PDE11A: variants seen among roughly 807,000 people sequenced by gnomAD.
PDE11A encodes dual 3',5'-cyclic-AMP and -GMP phosphodiesterase 11A.
PDE11A carries 100 observed loss-of-function variants against 100.5 expected under a neutral mutation model. That is an observed-to-expected ratio of 1.00 (90% CI 0.85 to 1.18). PDE11A has a LOEUF of 1.18. Among genes scored for constraint, PDE11A ranks in the 50% most tolerant of loss-of-function variants. The pLI is 0.00. For synonymous variants in PDE11A, 381 were observed against 420.8 expected, an observed-to-expected ratio of 0.91 and a Z score of 1.16; for missense variants, 1,141 against 1,152.6, an observed-to-expected ratio of 0.99 and a Z score of 0.15.
intron 5 of PDE11A, among the ~76,000 whole-genome samples, chr2:177,861,904 TACAAAA>T (rs2083951323): frequency 2.0e-5 from 3 of 151,874 alleles, no homozygotes; most frequent in African/African-American, 7.2e-5. Flanking sequence ...TCACACCATG[TACAAAA>T]ATTTAACTTA....
intron 10 of PDE11A, among the ~76,000 whole-genome samples, chr2:177,731,269 C>G (rs1461463278): frequency 6.6e-6 from 1 of 152,088 alleles, no homozygotes; most frequent in Non-Finnish European, 1.5e-5. Context: ...TTTTCCTTAG[C>G]GGCCTGATAA....
chr2:177,804,755 A>G (rs1304520958), intron 9 of PDE11A, among the ~76,000 whole-genome samples: 1 of 152,044 alleles, frequency 6.6e-6, no homozygotes, highest in Admixed American at 6.6e-5. Context: ...GCCATAAAAA[A>G]GAATGAAACT....
At chr2:177,807,894 T>C (rs1308105376) in intron 9 of PDE11A, among the ~76,000 whole-genome samples, 2 of 152,220 alleles carry the variant, frequency 1.3e-5, no homozygotes, top group African/African-American at 4.8e-5. Context: ...GAAGATTAAC[T>C]AAAAAACAGT....
intron 4 of PDE11A, among the ~76,000 whole-genome samples, chr2:177,897,727 TG>T (rs1407109556): frequency 6.6e-6 from 1 of 152,142 alleles, no homozygotes; most frequent in Admixed American, 6.5e-5. Context: ...AAATAAAATG[TG>T]AGACAGACAC....
At chr2:177,974,454 C>T (rs1233005740) in intron 2 of PDE11A, among the ~76,000 whole-genome samples, 2 of 56,786 alleles carry the variant, frequency 3.5e-5, no homozygotes, top group Non-Finnish European at 5.9e-5. Flanking sequence ...ACCAAATCTA[C>T]GTCTGATTGG....
chr2:177,909,799 T>G (rs1269861233), intron 2 of PDE11A, among the ~76,000 whole-genome samples: 4 of 16,410 alleles, frequency 2.4e-4, no homozygotes, highest in Admixed American at 2.9e-3. Flanking sequence ...TAGTTTTGTA[T>G]GAATATGTTT....
chr2:178,003,075 G>A (rs1451967014), intron 2 of PDE11A, among the ~76,000 whole-genome samples: 1 of 152,070 alleles, frequency 6.6e-6, no homozygotes, highest in South Asian at 2.1e-4. Context: ...TGGAGAATTC[G>A]GAACCCTCAT....
intron 17 of PDE11A, among the ~76,000 whole-genome samples, chr2:177,674,990 T>C (rs187595898): frequency 2.8e-3 from 422 of 152,322 alleles, no homozygotes; most frequent in African/African-American, 9.4e-3. Context: ...TGGTTTGTTT[T>C]TCTGCAAGTT....
At chr2:177,904,637 C>G (rs2084751973) in intron 3 of PDE11A, among the ~76,000 whole-genome samples, 1 of 150,652 alleles carries the variant, frequency 6.6e-6, no homozygotes, top group African/African-American at 2.4e-5. Context: ...TCACTGTGAC[C>G]TCCGCCTCCT....
intron 10 of PDE11A, among the ~76,000 whole-genome samples, chr2:177,759,199 A>T (rs544617682): frequency 6.6e-6 from 1 of 151,346 alleles, no homozygotes; most frequent in Admixed American, 6.6e-5. Flanking sequence ...ACACACACAC[A>T]CACGCACACA....
chr2:178,017,541 T>A (rs2086353611), intron 1 of PDE11A, among the ~76,000 whole-genome samples: 1 of 152,054 alleles, frequency 6.6e-6, no homozygotes, highest in Non-Finnish European at 1.5e-5. Context: ...TATAAAAGCA[T>A]GTAAGGGAAT....
intron 2 of PDE11A, among the ~76,000 whole-genome samples, chr2:177,932,122 G>T (rs781634142): frequency 6.4e-4 from 97 of 152,016 alleles, no homozygotes; most frequent in Non-Finnish European, 1.0e-3. Context: ...GGAAGAAATT[G>T]AAACACAAAA....
intron 4 of PDE11A, among the ~76,000 whole-genome samples, chr2:177,883,572 T>C (rs2084381728): frequency 6.6e-6 from 1 of 152,122 alleles, no homozygotes; most frequent in African/African-American, 2.4e-5. Context: ...TCATGTGAAC[T>C]GTGTGACAAG....
At chr2:177,841,813 A>G (rs2083495215) in intron 5 of PDE11A, among the ~76,000 whole-genome samples, 1 of 152,256 alleles carries the variant, frequency 6.6e-6, no homozygotes, top group South Asian at 2.1e-4. Flanking sequence ...TAGTTCTTAG[A>G]TGGCACCTAA....
chr2:177,781,522 ACT>A (rs2082453756), intron 9 of PDE11A, among the ~76,000 whole-genome samples: 1 of 147,114 alleles, frequency 6.8e-6, no homozygotes, highest in Non-Finnish European at 1.5e-5. Context: ...TTTTTTTGAG[ACT>A]CTGTCTGTCA....
intron 2 of PDE11A, among the ~76,000 whole-genome samples, chr2:177,913,198 G>A (rs184693126): frequency 3.2e-4 from 48 of 152,270 alleles, no homozygotes; most frequent in African/African-American, 1.1e-3. Context: ...ATCATAGAAC[G>A]TTGGACATTT....
chr2:177,868,139 G>T (rs920136033), intron 5 of PDE11A, among the ~76,000 whole-genome samples: 3 of 152,158 alleles, frequency 2.0e-5, no homozygotes, highest in African/African-American at 7.2e-5. Context: ...TAAAGGAAAA[G>T]AAAATAAAAG....
intron 1 of PDE11A, among the ~76,000 whole-genome samples, chr2:178,021,901 G>A (rs1233487833): frequency 6.6e-6 from 1 of 152,160 alleles, no homozygotes; most frequent in African/African-American, 2.4e-5. Context: ...GAAAGAAGTT[G>A]AAGATGGCTC....
At chr2:177,854,833 T>A (rs1215036883) in intron 5 of PDE11A, among the ~76,000 whole-genome samples, 2 of 152,074 alleles carry the variant, frequency 1.3e-5, no homozygotes, top group Non-Finnish European at 2.9e-5. Context: ...AGAAAGGGAA[T>A]AGAAATGAGC....
Sources: gnomAD v4.1 joint callset for allele counts (sites outside exome capture counted in the v4.1 genomes callset) on GRCh38, gnomAD v4.1.1 for gene constraint, MANE v1.5 for transcripts, NCBI Gene and HGNC (gene_info 2026-07-23, HGNC 2026-07-21) for gene names.